The following AGK variants were observed in gnomAD, a reference collection of about 807,000 sequenced individuals.
AGK encodes acylglycerol kinase.
A neutral mutation model predicts 66.4 loss-of-function variants in AGK; 52 were observed. That is an observed-to-expected ratio of 0.78 (90% CI 0.63 to 0.99). The LOEUF is 0.99. AGK is among the 50% of genes least tolerant of loss of function. The pLI is 0.00. For missense variants in AGK, 451 were observed against 506.6 expected (o/e 0.89, Z 1.05); for synonymous variants, 182 against 181.1 (o/e 1.00, Z -0.04).
intron 2 of AGK, among the ~76,000 whole-genome samples, chr7:141,576,388 C>G (rs1296466622): frequency 6.6e-6 from 1 of 151,764 alleles, no homozygotes; most frequent in Non-Finnish European, 1.5e-5. Flanking sequence ...ACAGTCTAAG[C>G]TAATTCCGAT....
chr7:141,582,069 C>T (rs112631876), intron 2 of AGK, among the ~76,000 whole-genome samples: 11,664 of 152,082 alleles, frequency 0.077, 991 homozygotes, highest in African/African-American at 0.19. Context: ...TCCGAGGCAA[C>T]TGGACAGTGT....
chr7:141,561,293 G>C (rs1795345157), intron 2 of AGK, among the ~76,000 whole-genome samples: 1 of 152,090 alleles, frequency 6.6e-6, no homozygotes, highest in African/African-American at 2.4e-5. Context: ...CCCAGTAGTG[G>C]GATTGCTGGA....
chr7:141,649,664 G>T (rs147982059), intron 14 of AGK, among the ~76,000 whole-genome samples: 1 of 152,220 alleles, frequency 6.6e-6, no homozygotes, highest in African/African-American at 2.4e-5. Context: ...CTTACCCGAC[G>T]TCATGACTCG....
intron 5 of AGK, 93 bp from the exon 6 acceptor site, chr7:141,611,102 G>A (rs1487512057): frequency 4.2e-6 from 3 of 715,882 alleles, no homozygotes; most frequent in African/African-American, 3.6e-5. Context: ...GACAGTCAAT[G>A]TAAAACTTTA....
rs115146332 is a variant in AGK at position 141,562,846 on chromosome 7, C to G, written c.101+7279C>G. Among the ~76,000 whole-genome samples, 288 of 152,340 alleles carry G rather than the reference C, an allele frequency of 1.9e-3. 2 individuals carry two copies. Among genetic ancestry groups the G allele is most frequent in the African/African-American group, 6.8e-3 (283 of 41,588 alleles). ...TGTCTGCTCACAATGTTGGTGGCTCCTGCAAGATATAGTCAGGGATGGCAT... is the reference window on the plus strand; with the variant it reads ...TGTCTGCTCACAATGTTGGTGGCTCGTGCAAGATATAGTCAGGGATGGCAT... On this transcript the variant is annotated intron_variant, in intron 2 of 15. Transcript: ENST00000649286.
chr7:141,591,968 C>T (rs1431213181), intron 2 of AGK, among the ~76,000 whole-genome samples: 3 of 152,130 alleles, frequency 2.0e-5, no homozygotes, highest in Non-Finnish European at 4.4e-5. Context: ...AATTTTGCCT[C>T]ATGACAAAAT....
chr7:141,626,909 G>A (rs1346206301), intron 9 of AGK, among the ~76,000 whole-genome samples: 1 of 152,190 alleles, frequency 6.6e-6, no homozygotes, highest in Non-Finnish European at 1.5e-5. Context: ...GGACAGTGGT[G>A]TTATGGTTAA....
intron 2 of AGK, among the ~76,000 whole-genome samples, chr7:141,592,410 C>T (rs1379027760): frequency 6.6e-6 from 1 of 152,206 alleles, no homozygotes; most frequent in Non-Finnish European, 1.5e-5. Context: ...ACGTCTGCCT[C>T]TGATCACAAC....
At position 141,641,325 on chromosome 7, in the gene AGK, C is replaced by G. The variant is rs543549513; in HGVS notation, c.804C>G (p.Thr268=). 1.9e-6 allele frequency: 3 copies of G among 1,613,740 alleles called. No homozygotes were observed. The East Asian group carries it at 6.7e-5, about 36-fold the overall frequency. Residue 268 remains threonine, a synonymous_variant, in exon 12 of 16, where the codon ACC becomes ACG. Coordinates refer to ENST00000649286, the MANE Select transcript of AGK (RefSeq NM_018238.4). ...GACCTCCCAATGAACCAGAGGAGAC[C>G]CCTGTACAAAGGCCTTCTTTGTACA... The part of the protein sequence containing the change: ...TERPPNEPEE[T]PVQRPSLYRR...
intron 12 of AGK, 28 bp downstream of exon 12, chr7:141,641,426 AGGGCCCT>A (rs1347731528): frequency 5.0e-6 from 8 of 1,602,024 alleles, no homozygotes; most frequent in Non-Finnish European, 6.8e-6. Context: ...TAAAGATTGG[AGGGCCCT>A]GGTCAGTTTA....
At position 141,636,975 on chromosome 7, in the gene AGK, G is replaced by C. The variant is rs150732826; in HGVS notation, c.684G>C (p.Gly228=). The change falls in exon 11 of 16, where the codon GGG becomes GGC. Residue 228 remains glycine, a synonymous_variant. Transcript: ENST00000649286. ...CTTTTCACAGGTACTGGTATCTTGG[G>C]CCTCTAAAAATCAAAGCAGCCCACT... ...GVKVSKYWYL[G]PLKIKAAHFF... The C allele has an allele frequency of 6.2e-7, 1 of 1,612,080 alleles. No homozygotes were observed. The highest frequency in any genetic ancestry group is 2.2e-5 in the East Asian group (1 of 44,806).
At chr7:141,628,992 T>A (rs1262733160) in intron 9 of AGK, among the ~76,000 whole-genome samples, 1 of 152,240 alleles carries the variant, frequency 6.6e-6, no homozygotes, top group Non-Finnish European at 1.5e-5. Flanking sequence ...AAATAAGGCA[T>A]AGAGGGGAGT....
rs12703401 is a variant in AGK at position 141,636,748 on chromosome 7, G to A, written c.669-212G>A. ...CATAAATTGCAAGAATCTTTACTGC[G>A]TAACTAATTACATATAACTTGACAA... is the stretch of plus-strand genomic sequence containing the variant. On this transcript the variant is annotated intron_variant, in intron 10 of 15. Transcript: ENST00000649286. 0.048 allele frequency among the ~76,000 whole-genome samples: 7,257 copies of A among 152,168 alleles called. 298 individuals are homozygous for A. The highest frequency in any genetic ancestry group is 0.14 in the South Asian group (693 of 4,816).
At chr7:141,641,129 A>G in intron 11 of AGK, 119 bp from the exon 12 acceptor site, 1 of 842,060 alleles carries the variant, frequency 1.2e-6, no homozygotes, top group Non-Finnish European at 1.8e-6. Context: ...CAGTGAGAGG[A>G]GATTATTAGT....
intron 2 of AGK, among the ~76,000 whole-genome samples, chr7:141,574,966 C>T (rs967631068): frequency 7.9e-5 from 12 of 152,278 alleles, no homozygotes; most frequent in African/African-American, 2.9e-4. Context: ...GAGGCCTTCC[C>T]ATGGAGGGCA....
chr7:141,627,163 G>T (rs902963577), intron 9 of AGK, among the ~76,000 whole-genome samples: 1 of 152,110 alleles, frequency 6.6e-6, no homozygotes, highest in African/African-American at 2.4e-5. Context: ...GGGTAAGAAG[G>T]TCCAGTAGCT....
chr7:141,568,868 G>A (rs932631913), intron 2 of AGK, among the ~76,000 whole-genome samples: 4 of 152,016 alleles, frequency 2.6e-5, no homozygotes, highest in Non-Finnish European at 5.9e-5. Flanking sequence ...GAGCCACCAC[G>A]CCTGGCACCT....
intron 2 of AGK, among the ~76,000 whole-genome samples, chr7:141,573,600 C>CA (rs1795663254): frequency 6.6e-6 from 1 of 152,180 alleles, no homozygotes; most frequent in South Asian, 2.1e-4. Flanking sequence ...TGTCCCAGAA[C>CA]AGCAAAAAGA....
At chr7:141,553,272 C>T (rs1399689441) in intron 1 of AGK, among the ~76,000 whole-genome samples, 1 of 152,180 alleles carries the variant, frequency 6.6e-6, no homozygotes, top group Non-Finnish European at 1.5e-5. Context: ...GGCTCTATCT[C>T]CTAATACCAT....
Sources: gnomAD v4.1 joint callset for allele counts (sites outside exome capture counted in the v4.1 genomes callset) on GRCh38, gnomAD v4.1.1 for gene constraint, MANE v1.5 for transcripts, NCBI Gene and HGNC (gene_info 2026-07-23, HGNC 2026-07-21) for gene names.